ERCC4: variants seen among roughly 807,000 people sequenced by gnomAD.
ERCC4 encodes ERCC excision repair 4, endonuclease catalytic subunit, also known as DNA repair endonuclease XPF.
Under a neutral mutation model 76.9 loss-of-function variants are expected in ERCC4, and 65 were observed. The ratio of observed to expected loss-of-function variants is 0.84; its 90% CI spans 0.69 to 1.04. ERCC4 has a LOEUF of 1.04. Ranked by LOEUF, ERCC4 falls within the 50% of genes least tolerant of loss-of-function variation. The pLI, the probability that ERCC4 is intolerant of heterozygous loss-of-function variation, is 0.00. For synonymous variants in ERCC4, 463 were observed against 410.1 expected, an observed-to-expected ratio of 1.13 and a Z score of -1.56; for missense variants, 1,214 against 1,128.2, an observed-to-expected ratio of 1.08 and a Z score of -1.09.
At chr16:13,932,125 A>G (rs747248142) in intron 5 of ERCC4, 32 bp from the exon 6 acceptor site, 45 of 1,597,444 alleles carry the variant, frequency 2.8e-5, no homozygotes, top group Non-Finnish European at 3.6e-5. Context: ...CCATAAATTG[A>G]TGGCACTTTT....
In ERCC4 at chr16:13,935,447, AGAGGAAGGAGATGTC is replaced by A. The variant is rs2032267362; in HGVS notation, c.1525_1539del (p.Asp509_Gly513del). 1 of 1,614,020 alleles carries A rather than the reference AGAGGAAGGAGATGTC, an allele frequency of 6.2e-7. No individual in the cohort carries two copies. Among genetic ancestry groups the A allele is most frequent in the South Asian group, 1.1e-5 (1 of 91,070 alleles). The stretch of plus-strand genomic sequence containing the variant: ...TGGTAGGAAAACCTGAAGAACTGGA[AGAGGAAGGAGATGTC>A]GAGGAAGGATATCGTCGAGAAATAA... On this transcript the variant is annotated inframe_deletion, in exon 8 of 11. Transcript: ENST00000311895.
intron 1 of ERCC4, 100 bp downstream of exon 1, chr16:13,920,472 G>GCCT: frequency 9.2e-7 from 1 of 1,085,892 alleles, no homozygotes; most frequent in Non-Finnish European, 1.4e-6. Flanking sequence ...GCTCTGAGGG[G>GCCT]GATTCAGGCC....
At chr16:13,939,416 G>A (rs772441192) in intron 9 of ERCC4, among the ~76,000 whole-genome samples, 8 of 152,220 alleles carry the variant, frequency 5.3e-5, no homozygotes, top group East Asian at 3.9e-4. Context: ...ACAGAGCACC[G>A]CTGGCTGCAA....
intron 9 of ERCC4, among the ~76,000 whole-genome samples, chr16:13,938,848 A>T (rs2032357575): frequency 6.6e-6 from 1 of 152,256 alleles, no homozygotes; most frequent in African/African-American, 2.4e-5. Context: ...TATAACCTGG[A>T]TAGCCCAGGA....
In ERCC4 at chr16:13,950,975, C is replaced by T. The variant is rs1036523164; in HGVS notation, c.*2628C>T. The T allele has an allele frequency of 1.0e-5, 2 of 193,532 alleles. No individual in the cohort carries two copies. The highest frequency in any genetic ancestry group is 2.2e-5 in the Non-Finnish European group (2 of 92,826). The allele number at this position is 193,532 out of a possible 1,614,324, so 12.0% of individuals were successfully genotyped here. ...CTTGTATCTGCTGGACGCTTGAAGA[C>T]AGGTGCACTGTCTCGTATGTATTTG... On this transcript the variant is annotated 3_prime_UTR_variant, in exon 11 of 11. Transcript: ENST00000311895.
At chr16:13,939,393 T>C (rs1309455352) in intron 9 of ERCC4, among the ~76,000 whole-genome samples, 1 of 152,064 alleles carries the variant, frequency 6.6e-6, no homozygotes. Flanking sequence ...AATATTGTAA[T>C]AAGTAGAGGT....
At chr16:13,933,066 A>T (rs953610923) in intron 6 of ERCC4, 7 of 407,450 alleles carry the variant, frequency 1.7e-5, no homozygotes, top group Non-Finnish European at 2.4e-5. Flanking sequence ...AAAAAAAAAA[A>T]ACACAAAAAC....
intron 2 of ERCC4, among the ~76,000 whole-genome samples, chr16:13,924,913 G>T (rs966582713): frequency 3.3e-5 from 5 of 152,118 alleles, no homozygotes; most frequent in African/African-American, 1.2e-4. Context: ...AAAAACTAAA[G>T]TAGGCTTTTG....
chr16:13,950,832 A>AT lies in ERCC4; in HGVS notation c.*2485_*2486insT, dbSNP rs2032616843. The AT allele has an allele frequency of 5.1e-6, 1 of 195,128 alleles. No individual in the cohort carries two copies. Among genetic ancestry groups the AT allele is most frequent in the Admixed American group, 6.1e-5 (1 of 16,446 alleles). 12.1% of individuals were successfully genotyped at this position (195,128 alleles called of 1,614,324 possible). A position where few individuals can be genotyped will look rare whatever the true frequency, so the allele number is the denominator to read the frequency against. ...ATTCCAAGTTGAGTTTTCAAAAAAA[A>AT]GGTCTTCCTAAAGCTACCATTTTCA... On this transcript the variant is annotated 3_prime_UTR_variant, in exon 11 of 11. Coordinates refer to ENST00000311895, the MANE Select transcript of ERCC4 (RefSeq NM_005236.3).
Position 13,928,198 on chromosome 16 carries a change from T to C in ERCC4, c.755T>C (p.Leu252Ser), listed in dbSNP as rs763961422. 6.2e-7 allele frequency: 1 copy of C among 1,613,664 alleles called. No individual in the cohort carries two copies. Among genetic ancestry groups the C allele is most frequent in the Non-Finnish European group, 8.5e-7 (1 of 1,179,756 alleles). The change falls in exon 4 of 11, where the codon TTA becomes TCA. Residue 252 changes from leucine (L) to serine (S), a missense_variant. Transcript: ENST00000311895. ...CHNPSLEVED[L>S]SLENAIGKPF... ...AACCCATCGCTTGAAGTGGAAGATT[T>C]ATCTTTAGAAAATGCTATTGGAAAA... is the stretch of plus-strand genomic sequence containing the variant.
chr16:13,928,014 A>G lies in ERCC4; in HGVS notation c.585-14A>G. ...AAACTCTAGAAAATTGTTGAAAAAT[A>G]TTTGTCTCTTTAGGTTCCATGTAGC... On this transcript the variant is annotated splice_polypyrimidine_tract_variant and intron_variant, in intron 3 of 10. Coordinates refer to ENST00000311895, the MANE Select transcript of ERCC4 (RefSeq NM_005236.3). 1 of 1,599,620 alleles carries G rather than the reference A, an allele frequency of 6.3e-7. No homozygotes were observed. The highest frequency in any genetic ancestry group is 1.1e-5 in the South Asian group (1 of 90,704).
At chr16:13,934,820 T>A (rs1480178455) in intron 7 of ERCC4, 8 of 262,756 alleles carry the variant, frequency 3.0e-5, no homozygotes. Context: ...AAAATCCATT[T>A]GGAATTAATT....
intron 9 of ERCC4, among the ~76,000 whole-genome samples, chr16:13,940,463 C>A (rs531521275): frequency 5.3e-5 from 8 of 152,254 alleles, no homozygotes; most frequent in African/African-American, 1.9e-4. Flanking sequence ...TAAAACCAGG[C>A]CTAAGCTTCC....
chr16:13,937,065 A>C (rs372381803), intron 8 of ERCC4, among the ~76,000 whole-genome samples: 1 of 148,708 alleles, frequency 6.7e-6, no homozygotes, highest in African/African-American at 2.5e-5. Flanking sequence ...GACTACAGGC[A>C]TGTGCCACCA....
Position 13,935,741 on chromosome 16 carries a change from G to A in ERCC4, c.1809G>A (p.Leu603=), listed in dbSNP as rs2032277796. The A allele has an allele frequency of 6.2e-7, 1 of 1,606,852 alleles. No homozygotes were observed. The highest frequency in any genetic ancestry group is 2.2e-5 in the East Asian group (1 of 44,872). The change falls in exon 8 of 11, where the codon CTG becomes CTA. Residue 603 remains leucine, a splice_region_variant and synonymous_variant. Transcript: ENST00000311895. ...IYRASRPGKP[L]RVYFLIYGGS... Reference sequence around the variant, plus strand: ...GGGCGAGTAGGCCTGGGAAACCTCTGAGGCAAGTTATAAAGAATCACAGCT... The same window carrying A: ...GGGCGAGTAGGCCTGGGAAACCTCTAAGGCAAGTTATAAAGAATCACAGCT...
chr16:13,937,986 A>G (rs2032337538), intron 9 of ERCC4, 128 bp downstream of exon 9: 1 of 702,086 alleles, frequency 1.4e-6, no homozygotes, highest in African/African-American at 1.8e-5. Context: ...ATTGAGATAA[A>G]CCTGTGGTCT....
chr16:13,925,164 A>G (rs1041689090), intron 2 of ERCC4, among the ~76,000 whole-genome samples: 1 of 152,234 alleles, frequency 6.6e-6, no homozygotes, highest in Non-Finnish European at 1.5e-5. Flanking sequence ...AAATCTATAG[A>G]AACACCTAAC....
At chr16:13,938,588 C>T (rs976376769) in intron 9 of ERCC4, among the ~76,000 whole-genome samples, 7 of 152,146 alleles carry the variant, frequency 4.6e-5, no homozygotes, top group Admixed American at 4.6e-4. Flanking sequence ...CCTCAGAAGC[C>T]AGGGCAAGTG....
Position 13,934,307 on chromosome 16 carries a change from G to A in ERCC4, c.1213+5G>A. On this transcript the variant is annotated splice_donor_5th_base_variant and intron_variant, in intron 7 of 10. Coordinates refer to ENST00000311895, the MANE Select transcript of ERCC4 (RefSeq NM_005236.3). ...GTGAAGCTCTTGGTGGTCCAGGTAG[G>A]AAAAAAGGAGATGAAAACATTTGCT... The A allele has an allele frequency of 6.4e-7, 1 of 1,569,276 alleles. No individual in the cohort carries two copies. The highest frequency in any genetic ancestry group is 8.8e-7 in the Non-Finnish European group (1 of 1,140,426).
Sources: allele counts gnomAD v4.1 joint callset (sites outside exome capture counted in the v4.1 genomes callset), GRCh38; gene constraint gnomAD v4.1.1; transcripts MANE v1.5; gene names NCBI Gene and HGNC (gene_info 2026-07-23, HGNC 2026-07-21).